TCF20: variants seen among roughly 807,000 people sequenced by gnomAD.
TCF20 encodes SPRE-binding protein.
Under a neutral mutation model 148.6 loss-of-function variants are expected in TCF20, and 3 were observed. That is an observed-to-expected ratio of 0.02 (90% CI 0.01 to 0.05). TCF20 has a LOEUF of 0.05. Ranked by LOEUF, TCF20 falls within the 10% of genes least tolerant of loss-of-function variation. The pLI is 1.00. For missense variants in TCF20, 2,350 were observed against 2,429.3 expected (o/e 0.97, Z 0.69); for synonymous variants, 1,049 against 909.5 (o/e 1.15, Z -2.76).
At chr22:42,179,796 G>T in intron 2 of TCF20, 94 bp from the exon 3 acceptor site, 3 of 812,866 alleles carry the variant, frequency 3.7e-6, no homozygotes, top group Non-Finnish European at 6.4e-6. Context: ...ACCTCAGCAC[G>T]TGTCTCTGTG....
At chr22:42,246,750 G>A (rs1171112973) in intron 1 of TCF20, among the ~76,000 whole-genome samples, 6 of 151,742 alleles carry the variant, frequency 4.0e-5, no homozygotes, top group Admixed American at 3.3e-4. Flanking sequence ...GGCAGATCAC[G>A]AGGTCAGGAG....
intron 4 of TCF20, 42 bp downstream of exon 4, chr22:42,169,805 C>T (rs373865572): frequency 1.6e-5 from 25 of 1,610,114 alleles, no homozygotes; most frequent in Middle Eastern, 3.5e-4. Flanking sequence ...GAGCCACCCT[C>T]GATCCCATCC....
intron 1 of TCF20, among the ~76,000 whole-genome samples, chr22:42,320,409 A>G (rs1927710618): frequency 6.6e-6 from 1 of 152,146 alleles, no homozygotes; most frequent in South Asian, 2.1e-4. Context: ...GGGTTCACGC[A>G]CAGGGGCTGG....
chr22:42,300,324 A>G (rs922823908), intron 1 of TCF20, among the ~76,000 whole-genome samples: 3 of 152,042 alleles, frequency 2.0e-5, no homozygotes, highest in Admixed American at 6.5e-5. Context: ...CAGCCCAGAT[A>G]TCAACAGAAG....
chr22:42,264,443 A>G (rs1199461930), intron 1 of TCF20, among the ~76,000 whole-genome samples: 3 of 152,170 alleles, frequency 2.0e-5, no homozygotes, highest in Non-Finnish European at 2.9e-5. Context: ...AGGTACCACT[A>G]ATGATCTCCC....
rs1012941012 is a variant in TCF20 at position 42,215,349 on chromosome 22, T to C, written c.-36-8A>G. ...AGCAGGCCAACAGCCCTCCTAGAAA[T>C]AGAAGAAAGAAAAACATTAGACACG... On this transcript the variant is annotated splice_region_variant and splice_polypyrimidine_tract_variant and intron_variant, in intron 1 of 5. Coordinates refer to ENST00000677622, the MANE Select transcript of TCF20 (RefSeq NM_001378418.1). 20 of 1,555,072 alleles carry C rather than the reference T, an allele frequency of 1.3e-5. No individual in the cohort carries two copies. The highest frequency in any genetic ancestry group is 3.5e-4 in the Middle Eastern group (2 of 5,776).
In TCF20 at chr22:42,323,987, T is replaced by TGGC. The variant is rs1187816982; in HGVS notation, c.-37+19491_-37+19492insGCC. On this transcript the variant is annotated intron_variant, in intron 1 of 1. Transcript: ENST00000515426. ...GTGGTGATGGTGGTGGTGGAGGTTA[T>TGGC]GGTGGTGGAGGTGGTGGCGGAGGTT... Among the ~76,000 whole-genome samples, 3 of 118,100 alleles carry TGGC rather than the reference T, an allele frequency of 2.5e-5. 1 individual carries two copies. The highest frequency in any genetic ancestry group is 5.1e-5 in the Non-Finnish European group (3 of 59,148). The allele number at this position is 118,100 out of a possible 152,430, so 77.5% of individuals were successfully genotyped here.
At chr22:42,162,483 T>C (rs948782704) in intron 5 of TCF20, among the ~76,000 whole-genome samples, 1 of 152,106 alleles carries the variant, frequency 6.6e-6, no homozygotes, top group African/African-American at 2.4e-5. Context: ...ATGGCCCACG[T>C]AGGACAGATG....
intron 5 of TCF20, among the ~76,000 whole-genome samples, chr22:42,164,998 C>A (rs914003677): frequency 1.3e-5 from 2 of 152,210 alleles, no homozygotes; most frequent in African/African-American, 2.4e-5. Flanking sequence ...TGACAAGAAT[C>A]TCTGACGTAG....
At chr22:42,316,769 A>G (rs1927640153) in intron 1 of TCF20, among the ~76,000 whole-genome samples, 1 of 152,074 alleles carries the variant, frequency 6.6e-6, no homozygotes. Flanking sequence ...CAGGATCCGA[A>G]CACATCACTT....
chr22:42,291,939 T>C (rs1212002470), intron 1 of TCF20, among the ~76,000 whole-genome samples: 1 of 151,998 alleles, frequency 6.6e-6, no homozygotes, highest in Non-Finnish European at 1.5e-5. Flanking sequence ...AAACCACAGA[T>C]GTGAGGGAGG....
At chr22:42,216,078 CCTTTTT>C (rs1921751540) in intron 1 of TCF20, among the ~76,000 whole-genome samples, 1 of 53,786 alleles carries the variant, frequency 1.9e-5, no homozygotes, top group Non-Finnish European at 3.8e-5. Flanking sequence ...AAAACCAAAT[CCTTTTT>C]TTTTTTTTTT....
chr22:42,198,689 T>C (rs1936547593), intron 2 of TCF20, among the ~76,000 whole-genome samples: 1 of 147,474 alleles, frequency 6.8e-6, no homozygotes, highest in Admixed American at 6.8e-5. Context: ...TTTGAGACAG[T>C]CTCGCTGTGT....
intron 1 of TCF20, among the ~76,000 whole-genome samples, chr22:42,256,751 T>C (rs1925767069): frequency 6.6e-6 from 1 of 152,230 alleles, no homozygotes; most frequent in South Asian, 2.1e-4. Flanking sequence ...TAAATCTGTT[T>C]AGGTTCATTT....
chr22:42,249,818 A>G (rs1190120005), intron 1 of TCF20, among the ~76,000 whole-genome samples: 1 of 152,248 alleles, frequency 6.6e-6, no homozygotes, highest in East Asian at 1.9e-4. Flanking sequence ...TTATCTTCAC[A>G]TCATTTCTAA....
At chr22:42,231,397 G>A (rs1054860172) in intron 1 of TCF20, among the ~76,000 whole-genome samples, 6 of 152,074 alleles carry the variant, frequency 3.9e-5, no homozygotes, top group African/African-American at 7.2e-5. Context: ...AGTGAGGGTT[G>A]CTTGAGCCCA....
upstream of TCF20, chr22:42,273,899 T>G (rs1355672484): frequency 6.5e-6 from 1 of 152,804 alleles, no homozygotes; most frequent in East Asian, 1.9e-4. Context: ...TCTAGGTCAC[T>G]GATTCTACTA....
intron 5 of TCF20, among the ~76,000 whole-genome samples, chr22:42,165,443 C>G (rs1033741857): frequency 6.6e-6 from 1 of 152,214 alleles, no homozygotes; most frequent in Non-Finnish European, 1.5e-5. Context: ...GGAGGAAGAG[C>G]TGGGTATAGG....
Position 42,212,976 on chromosome 22 carries a change from C to T in TCF20, c.2330G>A (p.Gly777Glu), listed in dbSNP as rs1355232661. The T allele has an allele frequency of 6.2e-7, 1 of 1,614,106 alleles. No individual in the cohort carries two copies. Among genetic ancestry groups the T allele is most frequent in the Admixed American group, 1.7e-5 (1 of 60,008 alleles). Residue 777 changes from glycine (G) to glutamate (E), a missense_variant, in exon 2 of 6, where the codon GGG becomes GAG. By Grantham distance (98) the Gly-to-Glu change is moderately conservative. Transcript: ENST00000677622. ...RYSRSTQEHQ[G>E]MAGSLEGTTR... ...GGTTCCTTCTAGGCTACCAGCCATC[C>T]CCTGATGCTCTTGAGTACTCCTAGA...
Sources: allele counts gnomAD v4.1 joint callset (sites outside exome capture counted in the v4.1 genomes callset), GRCh38; gene constraint gnomAD v4.1.1; transcripts MANE v1.5; gene names NCBI Gene and HGNC (gene_info 2026-07-23, HGNC 2026-07-21).